The following RPS6KC1 variants were observed in gnomAD, a reference collection of about 807,000 sequenced individuals.
RPS6KC1 encodes the protein ribosomal protein S6 kinase C1.
Under a neutral mutation model 103.8 loss-of-function variants are expected in RPS6KC1, and 54 were observed. The ratio of observed to expected loss-of-function variants is 0.52; its 90% CI spans 0.42 to 0.65. The LOEUF is 0.65. Ranked by LOEUF, RPS6KC1 falls within the 30% of genes least tolerant of loss-of-function variation. RPS6KC1 has a pLI of 0.00. For missense variants in RPS6KC1, 1,151 were observed against 1,253.8 expected, an observed-to-expected ratio of 0.92 and a Z score of 1.24; for synonymous variants, 439 against 438.7, an observed-to-expected ratio of 1.00 and a Z score of -0.01.
chr1:213,733,544 G>GTTTTTT, the RPS6KC1 span, among the ~76,000 whole-genome samples: 39 of 100,204 alleles, frequency 3.9e-4, no homozygotes, highest in African/African-American at 1.5e-3. Context: ...GCTATTTTTA[G>GTTTTTT]TTTGTTTTTT....
chr1:213,197,383 C>G (rs2092990885), intron 8 of RPS6KC1, among the ~76,000 whole-genome samples: 1 of 152,132 alleles, frequency 6.6e-6, no homozygotes, highest in African/African-American at 2.4e-5. Context: ...GCAATATGGT[C>G]ATATTCACAA....
At chr1:213,453,202 T>C in the RPS6KC1 span, among the ~76,000 whole-genome samples, 9 of 152,146 alleles carry the variant, frequency 5.9e-5, no homozygotes, top group Non-Finnish European at 1.0e-4. Flanking sequence ...TACCAACTGA[T>C]TCATTTATTC....
At chr1:213,201,553 G>A (rs954986023) in intron 8 of RPS6KC1, among the ~76,000 whole-genome samples, 5 of 152,180 alleles carry the variant, frequency 3.3e-5, no homozygotes, top group Admixed American at 6.5e-5. Flanking sequence ...ACATACTACA[G>A]CAAGATAGAA....
At chr1:213,703,318 G>A in the RPS6KC1 span, among the ~76,000 whole-genome samples, 1 of 152,022 alleles carries the variant, frequency 6.6e-6, no homozygotes, top group Non-Finnish European at 1.5e-5. Flanking sequence ...GTCTTAAAAA[G>A]CTGTTGTAGT....
chr1:213,826,031 C>T, the RPS6KC1 span, among the ~76,000 whole-genome samples: 3 of 152,124 alleles, frequency 2.0e-5, no homozygotes, highest in Non-Finnish European at 4.4e-5. Flanking sequence ...GACAGATGAT[C>T]GTCTTATTGG....
chr1:213,354,378 A>T, the RPS6KC1 span, among the ~76,000 whole-genome samples: 14 of 152,100 alleles, frequency 9.2e-5, no homozygotes, highest in Non-Finnish European at 1.6e-4. Flanking sequence ...ATGTGTATGA[A>T]CTCATTGAAA....
chr1:213,270,062 A>G (rs1001560268), intron 14 of RPS6KC1, among the ~76,000 whole-genome samples: 5 of 152,162 alleles, frequency 3.3e-5, no homozygotes, highest in African/African-American at 7.2e-5. Flanking sequence ...AGCTGGTTCC[A>G]AACTGTGCAT....
At chr1:213,070,049 G>A (rs1363731132) in intron 1 of RPS6KC1, among the ~76,000 whole-genome samples, 1 of 152,216 alleles carries the variant, frequency 6.6e-6, no homozygotes, top group African/African-American at 2.4e-5. Context: ...GTCCCTGAAT[G>A]TTTGTAAATA....
intron 14 of RPS6KC1, among the ~76,000 whole-genome samples, chr1:213,266,750 A>G (rs1319677284): frequency 2.0e-5 from 3 of 151,976 alleles, no homozygotes; most frequent in Non-Finnish European, 4.4e-5. Context: ...TAAAAATACA[A>G]AAATTAGTCG....
the RPS6KC1 span, among the ~76,000 whole-genome samples, chr1:213,592,291 A>G: frequency 1.3e-5 from 2 of 152,276 alleles, no homozygotes; most frequent in African/African-American, 4.8e-5. Flanking sequence ...AAATTGAGGA[A>G]GAAATAAAAA....
At chr1:213,219,611 A>T (rs1264943089) in intron 8 of RPS6KC1, among the ~76,000 whole-genome samples, 1 of 152,196 alleles carries the variant, frequency 6.6e-6, no homozygotes, top group Non-Finnish European at 1.5e-5. Flanking sequence ...AACCAACCCA[A>T]ATGTCCAACA....
the RPS6KC1 span, among the ~76,000 whole-genome samples, chr1:213,547,825 G>C: frequency 6.6e-6 from 1 of 152,132 alleles, no homozygotes; most frequent in Non-Finnish European, 1.5e-5. Context: ...AGCAGATGCT[G>C]TTGCCATGCT....
the RPS6KC1 span, among the ~76,000 whole-genome samples, chr1:213,688,370 G>A: frequency 6.6e-6 from 1 of 152,140 alleles, no homozygotes; most frequent in Non-Finnish European, 1.5e-5. Context: ...AAGCACAACT[G>A]AACTTCTTCC....
the RPS6KC1 span, among the ~76,000 whole-genome samples, chr1:213,792,987 G>T: frequency 1.3e-5 from 2 of 152,002 alleles, no homozygotes; most frequent in African/African-American, 4.8e-5. Context: ...TTGTTGATGA[G>T]AAATAAAATA....
chr1:213,567,225 T>C, the RPS6KC1 span, among the ~76,000 whole-genome samples: 1 of 152,338 alleles, frequency 6.6e-6, no homozygotes, highest in Middle Eastern at 3.4e-3. Context: ...GAGCCTAGTA[T>C]GAGACGGCTA....
the RPS6KC1 span, among the ~76,000 whole-genome samples, chr1:213,425,990 T>C: frequency 2.6e-5 from 4 of 152,138 alleles, no homozygotes; most frequent in African/African-American, 4.8e-5. Context: ...ATAAAGATTC[T>C]CCCAAGATTG....
the RPS6KC1 span, among the ~76,000 whole-genome samples, chr1:213,293,105 T>C: frequency 0.028 from 4,210 of 152,348 alleles, 189 homozygotes; most frequent in African/African-American, 0.096. Context: ...TGGTAATTAC[T>C]ATCTGAATAT....
At chr1:213,219,561 T>G (rs2093768321) in intron 8 of RPS6KC1, among the ~76,000 whole-genome samples, 1 of 152,150 alleles carries the variant, frequency 6.6e-6, no homozygotes, top group Non-Finnish European at 1.5e-5. Flanking sequence ...CATGCACACG[T>G]ATGTTTATTG....
chr1:213,717,334 AG>A, the RPS6KC1 span, among the ~76,000 whole-genome samples: 1 of 152,234 alleles, frequency 6.6e-6, no homozygotes, highest in African/African-American at 2.4e-5. Flanking sequence ...ATTACACAGC[AG>A]GGGTAAATTC....
Sources: allele counts gnomAD v4.1 joint callset (sites outside exome capture counted in the v4.1 genomes callset), GRCh38; gene constraint gnomAD v4.1.1; transcripts MANE v1.5; gene names NCBI Gene and HGNC (gene_info 2026-07-23, HGNC 2026-07-21).